LBX2: variants seen among roughly 807,000 people sequenced by gnomAD.
LBX2 encodes the protein ladybird homeobox 2.
Under a neutral mutation model 7.5 loss-of-function variants are expected in LBX2, and 6 were observed. The observed-to-expected ratio is 0.80, with a 90% CI of 0.44 to 1.59. LBX2 has a LOEUF of 1.59. Among genes scored for constraint, LBX2 ranks in the 40% most tolerant of loss-of-function variants. LBX2 has a pLI of 0.01. For synonymous variants in LBX2, 143 were observed against 133.2 expected, an observed-to-expected ratio of 1.07 and a Z score of -0.51; for missense variants, 281 against 282.0, an observed-to-expected ratio of 1.00 and a Z score of 0.03.
At chr2:74,500,654 G>C (rs893729268), upstream of LBX2, among the ~76,000 whole-genome samples, 1 of 152,172 alleles carries the variant, frequency 6.6e-6, no homozygotes, top group Non-Finnish European at 1.5e-5. Context: ...CTCATACCTG[G>C]GTAAGCACCC....
At position 74,497,942 on chromosome 2, in the gene LBX2, T is replaced by G; in HGVS notation, c.582A>C (p.Ile194=). ...GGCTTTGTCTTCAATCGTCCACCTG[T>G]ATCTCCTCGTCTGACAGGTGGGGCC... ...DSRPHLSDEE[I]QVDD is the part of the protein sequence containing the mutation. The change falls in exon 2 of 2, where the codon ATA becomes ATC. Residue 194 remains isoleucine (I), a synonymous_variant. Coordinates refer to ENST00000377566, the MANE Select transcript of LBX2 (RefSeq NM_001282430.2). 1 of 1,582,654 alleles carries G rather than the reference T, an allele frequency of 6.3e-7. No homozygotes were observed. Among genetic ancestry groups the G allele is most frequent in the Non-Finnish European group, 8.6e-7 (1 of 1,161,694 alleles).
Position 74,499,492 on chromosome 2 carries a change from T to C in LBX2, c.46A>G (p.Ile16Val), listed in dbSNP as rs1042028487. The change falls in exon 1 of 2, where the codon ATC (isoleucine) becomes GTC (valine). Residue 16 changes from isoleucine (I) to valine (V), a missense_variant. Transcript: ENST00000377566. The surrounding 1 kb of genome is among the most constrained non-coding windows in gnomAD (Gnocchi z 4.6). ...EPRTPRTLLS[I>V]ADILAPRMVP... is the part of the protein sequence containing the mutation. ...ATGCGCGGGGCTAGGATGTCTGCGA[T>C]GCTTAAGAGTGTCCGGGGTGTTCGG... 1.9e-6 allele frequency: 3 copies of C among 1,550,344 alleles called. No homozygotes were observed. The Admixed American group carries it at 5.9e-5, about 30-fold the overall frequency.
In LBX2 at chr2:74,499,054, G is replaced by T; in HGVS notation, c.205+279C>A. ...TTTCTCTCCTGCCTTTCTCTATCGC[G>T]ATTGCCCCGCCTACAAGGAACAGAG... On this transcript the variant is annotated intron_variant, in intron 1 of 1. Coordinates refer to ENST00000377566, the MANE Select transcript of LBX2 (RefSeq NM_001282430.2). The surrounding 1 kb of genome is among the most constrained non-coding windows in gnomAD (Gnocchi z 4.6). The T allele has an allele frequency of 1.9e-6, 1 of 514,764 alleles. No homozygotes were observed. Among genetic ancestry groups the T allele is most frequent in the South Asian group, 2.8e-5 (1 of 35,338 alleles). 31.9% of individuals were successfully genotyped at this position (514,764 alleles called of 1,614,324 possible). A position where few individuals can be genotyped will look rare whatever the true frequency, so the allele number is the denominator to read the frequency against.
Position 74,499,051 on chromosome 2 carries a change from C to T in LBX2, c.205+282G>A. 1 of 510,922 alleles carries T rather than the reference C, an allele frequency of 2.0e-6. No homozygotes were observed. The highest frequency in any genetic ancestry group is 3.5e-6 in the Non-Finnish European group (1 of 287,448). The allele number at this position is 510,922 out of a possible 1,614,324, so 31.6% of individuals were successfully genotyped here. A position where few individuals can be genotyped will look rare whatever the true frequency, so the allele number is the denominator to read the frequency against. ...CTCTTTCTCTCCTGCCTTTCTCTAT[C>T]GCGATTGCCCCGCCTACAAGGAACA... is the stretch of plus-strand genomic sequence containing the variant. On this transcript the variant is annotated intron_variant, in intron 1 of 1. Transcript: ENST00000377566. The surrounding 1 kb of genome is among the most constrained non-coding windows in gnomAD (Gnocchi z 4.6).
Position 74,498,181 on chromosome 2 carries a change from G to A in LBX2, c.343C>T (p.Arg115Ter). 1 of 1,612,318 alleles carries A rather than the reference G, an allele frequency of 6.2e-7. No homozygotes were observed. Among genetic ancestry groups the A allele is most frequent in the Non-Finnish European group, 8.5e-7 (1 of 1,179,516 alleles). The change falls in exon 2 of 2, where the codon CGA becomes TGA. Residue 115 changes from arginine to a stop codon, truncating the protein, a stop_gained. Transcript: ENST00000377566. LOFTEE classifies it low-confidence loss of function (END_TRUNC). Reference protein sequence around the residue: ...VFQKYLAPSERDGLATRLGLA... With the variant: ...VFQKYLAPSE The stretch of plus-strand genomic sequence containing the variant: ...CCGAGTCGCGTAGCTAGCCCGTCTC[G>A]CTCGGACGGCGCCAGGTACTTCTGG...
At chr2:74,501,008 G>C (rs537734545), upstream of LBX2, among the ~76,000 whole-genome samples, 197 of 152,286 alleles carry the variant, frequency 1.3e-3, no homozygotes, top group African/African-American at 4.4e-3. Context: ...ATGCAATTGG[G>C]GTTCCCTAAA....
chr2:74,499,760 G>T (rs980074705), upstream of LBX2: 1 of 597,392 alleles, frequency 1.7e-6, no homozygotes, highest in African/African-American at 1.9e-5. This position sits in a 1 kb window ranked among gnomAD's most constrained non-coding sequence, Gnocchi z 4.6. Flanking sequence ...ACAGGCTGGG[G>T]CAGGCGCGGA....
chr2:74,498,295 C>G lies in LBX2; in HGVS notation c.229G>C (p.Gly77Arg), dbSNP rs755329480. The G allele has an allele frequency of 6.4e-7, 1 of 1,558,000 alleles. No individual in the cohort carries two copies. Among genetic ancestry groups the G allele is most frequent in the Non-Finnish European group, 8.7e-7 (1 of 1,155,390 alleles). The change falls in exon 2 of 2, where the codon GGC (glycine) becomes CGC (arginine). Residue 77 changes from glycine to arginine, a missense_variant. By Grantham distance (125) the Gly-to-Arg change is moderately radical (BLOSUM62 -2). Coordinates refer to ENST00000377566, the MANE Select transcript of LBX2 (RefSeq NM_001282430.2). Reference protein sequence around the residue: ...SEGRAGPDALGPGPFGRKRRK... With the variant: ...SEGRAGPDALRPGPFGRKRRK... Reference sequence around the variant, plus strand: ...CGTTTGCGGCCGAAGGGACCAGGGCCCAGCGCGTCCGGACCTGCCCGCCCT... The same window carrying G: ...CGTTTGCGGCCGAAGGGACCAGGGCGCAGCGCGTCCGGACCTGCCCGCCCT...
At chr2:74,502,894 G>C (rs1301710407), upstream of LBX2, 28 of 1,558,078 alleles carry the variant, frequency 1.8e-5, no homozygotes, top group Non-Finnish European at 2.1e-5. This position sits in a 1 kb window ranked among gnomAD's most constrained non-coding sequence, Gnocchi z 5.4. Context: ...GCTGAGAGAG[G>C]GACCCGTCCT....
At chr2:74,502,845 A>T (rs774397837), upstream of LBX2, 1 of 1,603,688 alleles carries the variant, frequency 6.2e-7, no homozygotes, top group African/African-American at 1.3e-5. The surrounding 1 kb of genome is among the most constrained non-coding windows in gnomAD (Gnocchi z 5.4). Context: ...CTTCTAGGGA[A>T]GTCCTTTTTC....
At chr2:74,499,950 C>T (rs967518024), upstream of LBX2, among the ~76,000 whole-genome samples, 6 of 152,214 alleles carry the variant, frequency 3.9e-5, no homozygotes, top group Non-Finnish European at 5.9e-5. This position sits in a 1 kb window ranked among gnomAD's most constrained non-coding sequence, Gnocchi z 4.6. Context: ...CCTTCTCTGG[C>T]CCCAGCGGCT....
Position 74,499,136 on chromosome 2 carries a change from C to G in LBX2, c.205+197G>C, listed in dbSNP as rs1285376337. 1.6e-5 allele frequency: 10 copies of G among 609,910 alleles called. No individual in the cohort carries two copies. The highest frequency in any genetic ancestry group is 2.3e-5 in the Non-Finnish European group (8 of 345,468). The allele number at this position is 609,910 out of a possible 1,614,324, so 37.8% of individuals were successfully genotyped here. On this transcript the variant is annotated intron_variant, in intron 1 of 1. Coordinates refer to ENST00000377566, the MANE Select transcript of LBX2 (RefSeq NM_001282430.2). The surrounding 1 kb of genome is among the most constrained non-coding windows in gnomAD (Gnocchi z 4.6). ...CTTTTCCCTTGGCACTGGCGGCCTT[C>G]CGGAGCCGCCGCGGAACCTAGGGAC...
chr2:74,501,866 G>T (rs1674490855), upstream of LBX2: 1 of 151,956 alleles, frequency 6.6e-6, no homozygotes, highest in Non-Finnish European at 1.5e-5. Context: ...TTGGGGAGGG[G>T]ACACTCACTC....
chr2:74,498,943 C>CT, intron 1 of LBX2: 2 of 255,712 alleles, frequency 7.8e-6, no homozygotes, highest in South Asian at 1.4e-4. Flanking sequence ...AGCTTGGTCA[C>CT]CCGGAAAGAC....
In LBX2 at chr2:74,499,145, C is replaced by T; in HGVS notation, c.205+188G>A. On this transcript the variant is annotated intron_variant, in intron 1 of 1. Transcript: ENST00000377566. This position sits in a 1 kb window ranked among gnomAD's most constrained non-coding sequence, Gnocchi z 4.6. ...TGGCACTGGCGGCCTTCCGGAGCCG[C>T]CGCGGAACCTAGGGACTAACGGAGG... The T allele has an allele frequency of 8.0e-6, 5 of 622,194 alleles. No homozygotes were observed. Among genetic ancestry groups the T allele is most frequent in the Non-Finnish European group, 1.4e-5 (5 of 356,042 alleles). 38.5% of individuals were successfully genotyped at this position (622,194 alleles called of 1,614,324 possible).
At chr2:74,499,617 T>C, upstream of LBX2, 1 of 1,430,890 alleles carries the variant, frequency 7.0e-7, no homozygotes, top group Non-Finnish European at 9.4e-7. The surrounding 1 kb of genome is among the most constrained non-coding windows in gnomAD (Gnocchi z 4.6). Flanking sequence ...CGGCTCCCAA[T>C]CCGGGCCCCC....
rs1674382186 is a variant in LBX2 at position 74,497,713 on chromosome 2, G to T, written c.*214C>A. ...GTCGCGACTGCAGTGAGCGGTGATC[G>T]CTCCACGGCACTCCAGCCTGGGCGA... On this transcript the variant is annotated 3_prime_UTR_variant, in exon 2 of 2. Coordinates refer to ENST00000377566, the MANE Select transcript of LBX2 (RefSeq NM_001282430.2). The T allele has an allele frequency of 1.9e-6, 1 of 518,362 alleles. No homozygotes were observed. Among genetic ancestry groups the T allele is most frequent in the East Asian group, 3.3e-5 (1 of 30,364 alleles). The allele number at this position is 518,362 out of a possible 1,614,324, so 32.1% of individuals were successfully genotyped here.
chr2:74,500,952 C>T (rs1459026830), upstream of LBX2, among the ~76,000 whole-genome samples: 1 of 152,214 alleles, frequency 6.6e-6, no homozygotes, highest in African/African-American at 2.4e-5. Flanking sequence ...GCATCTCCCA[C>T]CATCTGTGCA....
In LBX2 at chr2:74,497,835, C is replaced by A; in HGVS notation, c.*92G>T. ...TGGGCCGGAAGAGGCCCAAGTGGAC[C>A]TCCTTCCTCCACCCTGGAACTCTGG... On this transcript the variant is annotated 3_prime_UTR_variant, in exon 2 of 2. Coordinates refer to ENST00000377566, the MANE Select transcript of LBX2 (RefSeq NM_001282430.2). 1 of 1,371,120 alleles carries A rather than the reference C, an allele frequency of 7.3e-7. No individual in the cohort carries two copies. The highest frequency in any genetic ancestry group is 1.5e-5 in the African/African-American group (1 of 68,248). The allele number at this position is 1,371,120 out of a possible 1,614,324, so 84.9% of individuals were successfully genotyped here.
Sources: allele counts gnomAD v4.1 joint callset (sites outside exome capture counted in the v4.1 genomes callset), GRCh38; gene constraint gnomAD v4.1.1; non-coding constraint Gnocchi (gnomAD v3.1); transcripts MANE v1.5; gene names NCBI Gene and HGNC (gene_info 2026-07-23, HGNC 2026-07-21).